LINGO2: variants seen among roughly 807,000 people sequenced by gnomAD.
LINGO2 encodes the protein leucine-rich repeat and immunoglobulin-like domain-containing nogo receptor-interacting protein 2.
A neutral mutation model predicts 30.6 loss-of-function variants in LINGO2; 14 were observed. The ratio of observed to expected loss-of-function variants is 0.46; its 90% CI spans 0.30 to 0.72. The LOEUF is 0.72. Among genes scored for constraint, LINGO2 ranks in the 30% least tolerant of loss-of-function variants. The pLI is 0.07. For synonymous variants in LINGO2, 317 were observed against 288.5 expected (o/e 1.10, Z -1.00); for missense variants, 729 against 751.7 (o/e 0.97, Z 0.35).
intron 4 of LINGO2, among the ~76,000 whole-genome samples, chr9:28,289,763 C>T (rs571482403): frequency 6.6e-6 from 1 of 152,294 alleles, no homozygotes; most frequent in African/African-American, 2.4e-5. Flanking sequence ...TAATTAGCTA[C>T]TCTTGCACTG....
the LINGO2 span, among the ~76,000 whole-genome samples, chr9:28,771,502 TGTGTGAGA>T: frequency 8.4e-3 from 512 of 60,838 alleles, 1 homozygote; most frequent in Admixed American, 0.012. Flanking sequence ...TGTGTGTGTG[TGTGTGAGA>T]GAGAGAGAGA....
chr9:28,028,759 T>C (rs1823514546), intron 4 of LINGO2, among the ~76,000 whole-genome samples: 1 of 152,190 alleles, frequency 6.6e-6, no homozygotes, highest in African/African-American at 2.4e-5. Context: ...TTTTTTCTTT[T>C]TGAATATTTT....
At chr9:28,354,456 G>T (rs1265847202) in intron 3 of LINGO2, among the ~76,000 whole-genome samples, 2 of 152,098 alleles carry the variant, frequency 1.3e-5, no homozygotes, top group African/African-American at 4.8e-5. Flanking sequence ...ATAGCGTTAG[G>T]TGTTCTAGAA....
At chr9:28,088,888 A>G (rs1825991750) in intron 4 of LINGO2, among the ~76,000 whole-genome samples, 1 of 152,146 alleles carries the variant, frequency 6.6e-6, no homozygotes, top group Non-Finnish European at 1.5e-5. Context: ...AGCAAATGGA[A>G]AACAAAAAAA....
chr9:27,994,120 C>T (rs935071275), intron 5 of LINGO2, among the ~76,000 whole-genome samples: 7 of 151,824 alleles, frequency 4.6e-5, no homozygotes, highest in Non-Finnish European at 8.8e-5. Flanking sequence ...ATGGAAACAA[C>T]ATACTAAAAC....
the LINGO2 span, among the ~76,000 whole-genome samples, chr9:28,938,862 A>G: frequency 2.0e-5 from 3 of 152,108 alleles, no homozygotes; most frequent in Non-Finnish European, 4.4e-5. Flanking sequence ...TCTCATATCT[A>G]TGATTTTGTC....
intron 1 of LINGO2, among the ~76,000 whole-genome samples, chr9:28,578,287 G>A (rs1824089417): frequency 6.6e-6 from 1 of 152,082 alleles, no homozygotes; most frequent in Non-Finnish European, 1.5e-5. Flanking sequence ...AGGTGGGGAG[G>A]TGGGTAATGG....
the LINGO2 span, among the ~76,000 whole-genome samples, chr9:28,910,983 G>A: frequency 6.6e-6 from 1 of 152,014 alleles, no homozygotes; most frequent in Non-Finnish European, 1.5e-5. Flanking sequence ...AACAGTTTAT[G>A]TCTTTAACAT....
chr9:28,690,603 T>G, the LINGO2 span, among the ~76,000 whole-genome samples: 2 of 152,152 alleles, frequency 1.3e-5, no homozygotes, highest in Non-Finnish European at 2.9e-5. Flanking sequence ...GTTTTCAAAG[T>G]TGTTTCTAGG....
chr9:28,692,407 G>A, the LINGO2 span, among the ~76,000 whole-genome samples: 3 of 151,970 alleles, frequency 2.0e-5, no homozygotes, highest in African/African-American at 7.2e-5. Flanking sequence ...CCCAAGGGTC[G>A]GAGGTTGCAA....
rs4265266 is a variant in LINGO2, at chr9:28,306,927, G to T, written c.-245-11561C>A. On this transcript the variant is annotated intron_variant, in intron 3 of 5. Transcript: ENST00000379992. Reference sequence around the variant, plus strand: ...ACCAATAACAAGGTCTGAAATTGTGGCAATAATCAATAGCTTACCAACCAA... The same window carrying T: ...ACCAATAACAAGGTCTGAAATTGTGTCAATAATCAATAGCTTACCAACCAA... Among the ~76,000 whole-genome samples, 2,455 of 152,208 alleles carry T rather than the reference G, an allele frequency of 0.016. 148 individuals are homozygous for T. In the East Asian group the frequency reaches 0.2, roughly 12 times the overall value.
chr9:27,973,618 G>C (rs1430248977), intron 5 of LINGO2, among the ~76,000 whole-genome samples: 2 of 152,184 alleles, frequency 1.3e-5, no homozygotes, highest in East Asian at 3.9e-4. Flanking sequence ...AGGAAAGAGA[G>C]TCACTGGATG....
At chr9:28,837,272 T>C in the LINGO2 span, among the ~76,000 whole-genome samples, 1 of 152,146 alleles carries the variant, frequency 6.6e-6, no homozygotes, top group Non-Finnish European at 1.5e-5. Context: ...TTTGATTTAT[T>C]GGTTTATAAC....
intron 1 of LINGO2, among the ~76,000 whole-genome samples, chr9:28,637,772 G>A (rs559834884): frequency 6.6e-6 from 1 of 152,232 alleles, no homozygotes; most frequent in Non-Finnish European, 1.5e-5. Flanking sequence ...TGCAAACAGG[G>A]ACAATTTGAC....
At chr9:28,644,457 G>C (rs997213346) in intron 1 of LINGO2, among the ~76,000 whole-genome samples, 1 of 151,910 alleles carries the variant, frequency 6.6e-6, no homozygotes, top group Non-Finnish European at 1.5e-5. Context: ...TCACTTATTT[G>C]TGAAATTTAA....
chr9:28,687,778 T>C, the LINGO2 span, among the ~76,000 whole-genome samples: 1 of 152,128 alleles, frequency 6.6e-6, no homozygotes, highest in African/African-American at 2.4e-5. Context: ...TATTCAGCTG[T>C]TTTAATGGAA....
chr9:27,991,728 C>T (rs1023086871), intron 5 of LINGO2, among the ~76,000 whole-genome samples: 1 of 152,018 alleles, frequency 6.6e-6, no homozygotes, highest in Non-Finnish European at 1.5e-5. Context: ...TCATAAGACT[C>T]CTATGGATAG....
At chr9:28,752,588 T>G in the LINGO2 span, among the ~76,000 whole-genome samples, 5 of 152,204 alleles carry the variant, frequency 3.3e-5, no homozygotes, top group African/African-American at 9.6e-5. Flanking sequence ...AATATCTCAA[T>G]TATATTTCAA....
At chr9:29,072,495 T>C in the LINGO2 span, among the ~76,000 whole-genome samples, 1 of 151,622 alleles carries the variant, frequency 6.6e-6, no homozygotes, top group African/African-American at 2.4e-5. Flanking sequence ...ATAAATTATA[T>C]CTCAATAAAG....
Sources: allele counts gnomAD v4.1 joint callset (sites outside exome capture counted in the v4.1 genomes callset), GRCh38; gene constraint gnomAD v4.1.1; transcripts MANE v1.5; gene names NCBI Gene and HGNC (gene_info 2026-07-23, HGNC 2026-07-21).